RIMS1: variants seen among roughly 807,000 people sequenced by gnomAD.
The protein encoded by RIMS1 is regulating synaptic membrane exocytosis protein 1.
A neutral mutation model predicts 214.1 loss-of-function variants in RIMS1; 83 were observed. That is an observed-to-expected ratio of 0.39 (90% confidence interval 0.32 to 0.47). The LOEUF (loss-of-function observed/expected upper bound fraction) is 0.47. Among genes scored for constraint, RIMS1 ranks in the 20% least tolerant of loss-of-function variants. The pLI is 0.99. For synonymous variants in RIMS1, 793 were observed against 786.8 expected, an observed-to-expected ratio of 1.01 and a Z score of -0.13; for missense variants, 2,050 against 2,161.8, an observed-to-expected ratio of 0.95 and a Z score of 1.03.
At chr6:72,007,089 G>A (rs1808033771) in intron 2 of RIMS1, among the ~76,000 whole-genome samples, 1 of 152,184 alleles carries the variant, frequency 6.6e-6, no homozygotes, top group African/African-American at 2.4e-5. Flanking sequence ...GGGGCAGACT[G>A]ACACCTCACA....
At chr6:72,153,278 A>ATT (rs139812956) in intron 4 of RIMS1, among the ~76,000 whole-genome samples, 1 of 151,164 alleles carries the variant, frequency 6.6e-6, no homozygotes, top group South Asian at 2.1e-4. Flanking sequence ...GGACTGGTTG[A>ATT]TTTTTTTTCA....
chr6:72,268,589 A>T (rs2081629155), intron 22 of RIMS1, among the ~76,000 whole-genome samples: 1 of 152,310 alleles, frequency 6.6e-6, no homozygotes, highest in Non-Finnish European at 1.5e-5. Flanking sequence ...TTTTCTAATG[A>T]TTCAGAAGAT....
chr6:71,994,230 A>G (rs113338399), intron 2 of RIMS1, among the ~76,000 whole-genome samples: 1 of 152,228 alleles, frequency 6.6e-6, no homozygotes, highest in African/African-American at 2.4e-5. Flanking sequence ...ATTGATCTTC[A>G]GAAAGATAAA....
chr6:72,020,594 C>T (rs1298748626), intron 2 of RIMS1, among the ~76,000 whole-genome samples: 2 of 152,164 alleles, frequency 1.3e-5, no homozygotes, highest in Admixed American at 1.3e-4. Flanking sequence ...CCTTTTATTT[C>T]TCCATTTGCA....
chr6:71,898,697 TAAG>T (rs1772635267), intron 1 of RIMS1, among the ~76,000 whole-genome samples: 1 of 152,126 alleles, frequency 6.6e-6, no homozygotes, highest in South Asian at 2.1e-4. Context: ...CATCAACTGA[TAAG>T]AGTTGGCAGG....
At chr6:72,246,162 A>G (rs1590342266) in intron 11 of RIMS1, among the ~76,000 whole-genome samples, 1 of 152,168 alleles carries the variant, frequency 6.6e-6, no homozygotes, top group Non-Finnish European at 1.5e-5. Flanking sequence ...TTCTAGTTAC[A>G]TTAACATTTA....
At chr6:72,386,671 C>T (rs928547747) in intron 29 of RIMS1, among the ~76,000 whole-genome samples, 2 of 152,036 alleles carry the variant, frequency 1.3e-5, no homozygotes, top group Non-Finnish European at 2.9e-5. Context: ...CTCTCTACCC[C>T]TCTCATCCTG....
chr6:72,271,561 A>G (rs975664895), intron 22 of RIMS1, among the ~76,000 whole-genome samples: 2 of 151,956 alleles, frequency 1.3e-5, no homozygotes, highest in African/African-American at 4.8e-5. Context: ...GCCAAGAGAT[A>G]TGCACCATTG....
At chr6:72,347,072 G>C (rs1353085856) in intron 29 of RIMS1, among the ~76,000 whole-genome samples, 1 of 151,736 alleles carries the variant, frequency 6.6e-6, no homozygotes, top group Non-Finnish European at 1.5e-5. Context: ...CCATATACCT[G>C]TCATGTTTAC....
chr6:71,921,042 G>A (rs1779804351), intron 1 of RIMS1, among the ~76,000 whole-genome samples: 2 of 152,210 alleles, frequency 1.3e-5, no homozygotes, highest in Non-Finnish European at 2.9e-5. Flanking sequence ...CATCTGTGCA[G>A]CGGAGGCAGA....
intron 28 of RIMS1, among the ~76,000 whole-genome samples, chr6:72,315,687 C>T (rs963106342): frequency 6.6e-6 from 1 of 151,862 alleles, no homozygotes; most frequent in African/African-American, 2.4e-5. Context: ...ACACATGCAG[C>T]AGTACACACA....
chr6:72,280,194 T>C (rs923834886), intron 23 of RIMS1, among the ~76,000 whole-genome samples: 5 of 152,000 alleles, frequency 3.3e-5, no homozygotes, highest in Admixed American at 6.6e-5. Context: ...ATTGAGCAAC[T>C]ACCATATGCT....
chr6:72,321,969 C>A (rs1031212470), intron 28 of RIMS1, among the ~76,000 whole-genome samples: 1 of 151,968 alleles, frequency 6.6e-6, no homozygotes, highest in Non-Finnish European at 1.5e-5. Flanking sequence ...TATAAGAAGA[C>A]TAAAAAGACT....
intron 16 of RIMS1, among the ~76,000 whole-genome samples, chr6:72,256,768 T>C (rs111850334): frequency 3.3e-5 from 5 of 151,936 alleles, no homozygotes; most frequent in Non-Finnish European, 5.9e-5. Context: ...AGCCTTAATA[T>C]TATAATTTCT....
At chr6:72,354,290 C>G (rs542632600) in intron 29 of RIMS1, among the ~76,000 whole-genome samples, 3 of 152,314 alleles carry the variant, frequency 2.0e-5, no homozygotes, top group Admixed American at 2.0e-4. Context: ...GTCTTCTTAG[C>G]TACTCCATGG....
intron 27 of RIMS1, among the ~76,000 whole-genome samples, chr6:72,308,317 T>G (rs886404121): frequency 2.6e-5 from 4 of 152,124 alleles, no homozygotes; most frequent in African/African-American, 7.2e-5. Flanking sequence ...TGAAGTAATT[T>G]TAAATATATT....
At chr6:72,085,214 T>TA (rs1834355608) in intron 2 of RIMS1, among the ~76,000 whole-genome samples, 1 of 152,088 alleles carries the variant, frequency 6.6e-6, no homozygotes, top group Non-Finnish European at 1.5e-5. Context: ...AAAGACCAAA[T>TA]ACGTTTTTAG....
At chr6:72,393,705 C>A (rs1247914463) in intron 31 of RIMS1, among the ~76,000 whole-genome samples, 1 of 151,222 alleles carries the variant, frequency 6.6e-6, no homozygotes, top group Non-Finnish European at 1.5e-5. Context: ...CCAGCCTGGG[C>A]GACAGAGCGA....
chr6:72,325,004 G>A (rs186692719), intron 28 of RIMS1, among the ~76,000 whole-genome samples: 67 of 151,928 alleles, frequency 4.4e-4, no homozygotes, highest in South Asian at 1.5e-3. Context: ...AAGCTGAAGA[G>A]TTATATATTT....
Sources: allele counts gnomAD v4.1 joint callset (sites outside exome capture counted in the v4.1 genomes callset), GRCh38; gene constraint gnomAD v4.1.1; transcripts MANE v1.5; gene names NCBI Gene and HGNC (gene_info 2026-07-23, HGNC 2026-07-21).